The following CYRIB variants were observed in gnomAD, a reference collection of about 807,000 sequenced individuals.
CYRIB encodes the protein CYFIP-related Rac1 interactor B.
A neutral mutation model predicts 44.2 loss-of-function variants in CYRIB; 8 were observed. The observed-to-expected ratio is 0.18, with a 90% CI of 0.11 to 0.33. The LOEUF (loss-of-function observed/expected upper bound fraction) is 0.33. Ranked by LOEUF, CYRIB falls within the 10% of genes least tolerant of loss-of-function variation. The pLI is 1.00. For synonymous variants in CYRIB, 131 were observed against 127.2 expected (o/e 1.03, Z -0.20); for missense variants, 185 against 382.8 (o/e 0.48, Z 4.31).
chr8:130,001,123 C>T (rs923806473), intron 1 of CYRIB, among the ~76,000 whole-genome samples: 1 of 152,174 alleles, frequency 6.6e-6, no homozygotes, highest in East Asian at 1.9e-4. Flanking sequence ...AATTTGCAAT[C>T]CCATAAACGG....
intron 1 of CYRIB, among the ~76,000 whole-genome samples, chr8:129,973,370 T>G (rs989267383): frequency 1.3e-5 from 2 of 152,208 alleles, no homozygotes; most frequent in African/African-American, 4.8e-5. Context: ...GCTGGTCCAT[T>G]CAGTTAAGCA....
chr8:130,014,544 G>T (rs1412277936), intron 1 of CYRIB, among the ~76,000 whole-genome samples: 1 of 152,144 alleles, frequency 6.6e-6, no homozygotes, highest in African/African-American at 2.4e-5. Flanking sequence ...GTCGGGAGTT[G>T]GGGGACCCAC....
exon 1 of CYRIB, chr8:129,939,690 G>T (rs1028424134): frequency 6.6e-6 from 1 of 152,316 alleles, no homozygotes; most frequent in African/African-American, 2.4e-5. Flanking sequence ...GCGGCGCTAG[G>T]GGGAGCCCCG....
chr8:129,898,110 G>T (rs2069138032), intron 2 of CYRIB, among the ~76,000 whole-genome samples: 1 of 150,594 alleles, frequency 6.6e-6, no homozygotes, highest in African/African-American at 2.4e-5. Context: ...TTTTTTAAAG[G>T]AATACTCATC....
chr8:129,920,776 A>C (rs886073847), intron 1 of CYRIB, among the ~76,000 whole-genome samples: 1 of 152,108 alleles, frequency 6.6e-6, no homozygotes, highest in Non-Finnish European at 1.5e-5. Flanking sequence ...AAATTCCCCT[A>C]TCCCCTTTCA....
chr8:129,890,223 C>G (rs1396789526), intron 2 of CYRIB, among the ~76,000 whole-genome samples: 1 of 152,110 alleles, frequency 6.6e-6, no homozygotes. Context: ...TGAAATGTTA[C>G]CCAACAGTAT....
At chr8:129,880,334 T>C in intron 2 of CYRIB, 1 of 946,764 alleles carries the variant, frequency 1.1e-6, no homozygotes, top group Non-Finnish European at 1.3e-6. Context: ...ATCTTTCACC[T>C]TTACCATTAT....
At chr8:129,953,055 T>G (rs10216656) in intron 2 of CYRIB, among the ~76,000 whole-genome samples, 1 of 152,172 alleles carries the variant, frequency 6.6e-6, no homozygotes, top group African/African-American at 2.4e-5. Flanking sequence ...GGCATTTTCA[T>G]TAGCCAACTG....
In CYRIB at chr8:129,929,881, G is replaced by A. The variant is rs1005768782; in HGVS notation, c.-50+9727C>T. Among the ~76,000 whole-genome samples the A allele has an allele frequency of 2.0e-5, 3 of 152,068 alleles. No individual in the cohort carries two copies. The South Asian group carries it at 6.2e-4, about 32-fold the overall frequency. ...CTGTTTAGCCCTACTTTATGACTTA[G>A]GACAGTTTCTATAATACAGTTAACC... On this transcript the variant is annotated intron_variant, in intron 1 of 11. Coordinates refer to ENST00000519824, the Ensembl canonical transcript of CYRIB.
At chr8:130,015,757 T>C (rs1433752428) in intron 1 of CYRIB, among the ~76,000 whole-genome samples, 3 of 152,190 alleles carry the variant, frequency 2.0e-5, no homozygotes, top group Admixed American at 6.5e-5. Context: ...CCGCTAACAC[T>C]GAACTTCCAT....
chr8:129,972,038 T>C (rs1230751305), intron 1 of CYRIB, among the ~76,000 whole-genome samples: 1 of 152,214 alleles, frequency 6.6e-6, no homozygotes, highest in African/African-American at 2.4e-5. Flanking sequence ...CCTTAGTGTT[T>C]TCTCTTTGCT....
chr8:130,001,164 C>A (rs552796690), intron 1 of CYRIB, among the ~76,000 whole-genome samples: 25 of 152,210 alleles, frequency 1.6e-4, no homozygotes, highest in Non-Finnish European at 2.9e-5. Flanking sequence ...GGGGTGCCTT[C>A]GTCTGTCTGC....
intron 1 of CYRIB, among the ~76,000 whole-genome samples, chr8:129,974,232 C>A (rs1053164212): frequency 2.0e-5 from 3 of 151,938 alleles, no homozygotes; most frequent in Admixed American, 6.6e-5. Context: ...CAACAAAGAA[C>A]CTCAGGCCCA....
rs965296004 is a variant in CYRIB, at chr8:129,845,003, A to C, written c.911+1801T>G. 4.6e-5 allele frequency among the ~76,000 whole-genome samples: 7 copies of C among 152,332 alleles called. 1 individual carries two copies. Among genetic ancestry groups the C allele is most frequent in the Middle Eastern group, 3.4e-3 (1 of 294 alleles). On this transcript the variant is annotated intron_variant, in intron 11 of 11. Coordinates refer to ENST00000519824, the Ensembl canonical transcript of CYRIB. ...TCTAGTTTCCATTATCTATTATAAT[A>C]GGAAAGAAAATGTACCAAACTGACA...
At chr8:129,978,541 A>G (rs371099109) in intron 1 of CYRIB, among the ~76,000 whole-genome samples, 24 of 152,352 alleles carry the variant, frequency 1.6e-4, no homozygotes, top group African/African-American at 5.8e-4. Context: ...TGCACCTCAA[A>G]AATGAATACA....
intron 1 of CYRIB, among the ~76,000 whole-genome samples, chr8:129,986,798 C>A (rs1187434103): frequency 6.6e-6 from 1 of 152,150 alleles, no homozygotes. Flanking sequence ...CTGTTGTAAG[C>A]AACAGAAAAC....
At chr8:129,980,121 T>C (rs1308884717) in intron 1 of CYRIB, among the ~76,000 whole-genome samples, 1 of 150,758 alleles carries the variant, frequency 6.6e-6, no homozygotes, top group Non-Finnish European at 1.5e-5. Context: ...CATGATCTAT[T>C]GCTTACATAG....
intron 4 of CYRIB, among the ~76,000 whole-genome samples, chr8:129,869,987 G>A (rs919444224): frequency 1.3e-5 from 2 of 151,718 alleles, no homozygotes; most frequent in African/African-American, 4.8e-5. Context: ...GTGGGGGGAG[G>A]GGGGGCGTTG....
At chr8:129,917,078 C>T (rs73398740) in intron 1 of CYRIB, among the ~76,000 whole-genome samples, 168 of 152,302 alleles carry the variant, frequency 1.1e-3, no homozygotes, top group African/African-American at 3.9e-3. Flanking sequence ...CACAAACATT[C>T]ACTTAGTTGT....
Sources: allele counts gnomAD v4.1 joint callset (sites outside exome capture counted in the v4.1 genomes callset), GRCh38; gene constraint gnomAD v4.1.1; transcripts MANE v1.5; gene names NCBI Gene and HGNC (gene_info 2026-07-23, HGNC 2026-07-21).